The following DPYD variants were observed in gnomAD, a reference collection of about 807,000 sequenced individuals.
The protein encoded by DPYD is dihydropyrimidine dehydrogenase [NADP(+)].
DPYD carries 109 observed loss-of-function variants against 116.2 expected under a neutral mutation model. The observed-to-expected ratio is 0.94, with a 90% CI of 0.80 to 1.10. The LOEUF is 1.10. DPYD is among the 50% of genes least tolerant of loss of function. The pLI, the probability that DPYD is intolerant of heterozygous loss-of-function variation, is 0.00. For missense variants in DPYD, 1,302 were observed against 1,254.5 expected (o/e 1.04, Z -0.57); for synonymous variants, 440 against 432.0 (o/e 1.02, Z -0.23).
chr1:97,907,222 A>G (rs1426649967), intron 1 of DPYD, among the ~76,000 whole-genome samples: 1 of 152,116 alleles, frequency 6.6e-6, no homozygotes, highest in Non-Finnish European at 1.5e-5. Flanking sequence ...CTAAAACTAC[A>G]AAAAGCAAAA....
At chr1:97,215,227 A>C (rs1238767343) in intron 19 of DPYD, among the ~76,000 whole-genome samples, 1 of 152,218 alleles carries the variant, frequency 6.6e-6, no homozygotes, top group African/African-American at 2.4e-5. Context: ...AAATGTTCAC[A>C]CGTCTAGTAA....
chr1:97,767,775 T>G (rs75064354), intron 3 of DPYD, among the ~76,000 whole-genome samples: 2 of 148,182 alleles, frequency 1.3e-5, no homozygotes, highest in African/African-American at 2.6e-5. Flanking sequence ...TTTTTTTTTT[T>G]GCAGCAGTTA....
chr1:97,451,322 T>G (rs987013870), intron 13 of DPYD, among the ~76,000 whole-genome samples: 2 of 152,208 alleles, frequency 1.3e-5, no homozygotes, highest in Admixed American at 1.3e-4. Flanking sequence ...AAAAGATTAT[T>G]TATTCCTGAA....
intron 14 of DPYD, among the ~76,000 whole-genome samples, chr1:97,384,225 G>A (rs563943889): frequency 6.8e-6 from 1 of 146,492 alleles, no homozygotes; most frequent in Non-Finnish European, 1.5e-5. Flanking sequence ...TCACTACATA[G>A]AGCTTTTTTA....
At chr1:97,105,647 G>T (rs1399286) in intron 20 of DPYD, among the ~76,000 whole-genome samples, 152,237 of 152,240 alleles carry the variant, frequency 1, 76,117 homozygotes, top group Non-Finnish European at 1. Flanking sequence ...CTGGGGATTT[G>T]GTAGCAATTT....
intron 14 of DPYD, among the ~76,000 whole-genome samples, chr1:97,448,818 C>G (rs1676234824): frequency 6.6e-6 from 1 of 151,958 alleles, no homozygotes; most frequent in Admixed American, 6.6e-5. Context: ...CACGATAGTT[C>G]CCTTCACATC....
chr1:97,555,909 A>G (rs1651668320), intron 11 of DPYD, among the ~76,000 whole-genome samples: 1 of 152,184 alleles, frequency 6.6e-6, no homozygotes, highest in Admixed American at 6.6e-5. Context: ...GTAGGTACAT[A>G]CATGTACAGT....
chr1:97,220,811 A>G (rs17116566), intron 19 of DPYD, among the ~76,000 whole-genome samples: 5,383 of 152,240 alleles, frequency 0.035, 296 homozygotes, highest in African/African-American at 0.12. Context: ...CCAAGAATAG[A>G]ACCTTACTTT....
intron 15 of DPYD, among the ~76,000 whole-genome samples, chr1:97,377,535 T>C (rs1392741404): frequency 6.6e-6 from 1 of 152,192 alleles, no homozygotes; most frequent in Non-Finnish European, 1.5e-5. Context: ...AAAGGAAAAC[T>C]ATCCTGAGAA....
At position 97,735,191 on chromosome 1, in the gene DPYD, A is replaced by T. The variant is rs573450096; in HGVS notation, c.321+5201T>A. ...GAAACATGCATGCTTCACAGTTCTC[A>T]GAGAATTTCCTCCAATAAGGCATCA... On this transcript the variant is annotated intron_variant, in intron 4 of 22. Transcript: ENST00000370192. Among the ~76,000 whole-genome samples, 3 of 152,260 alleles carry T rather than the reference A, an allele frequency of 2.0e-5. No homozygotes were observed. In the South Asian group the frequency reaches 6.2e-4, roughly 32 times the overall value.
At chr1:97,896,976 T>A (rs530807816) in intron 1 of DPYD, among the ~76,000 whole-genome samples, 64 of 152,110 alleles carry the variant, frequency 4.2e-4, no homozygotes, top group African/African-American at 1.5e-3. Context: ...TATCTACCTA[T>A]GTAGTTACCA....
chr1:97,589,363 T>C (rs1313801248), intron 10 of DPYD, among the ~76,000 whole-genome samples: 1 of 152,214 alleles, frequency 6.6e-6, no homozygotes, highest in African/African-American at 2.4e-5. Context: ...ATGGGGGTGG[T>C]TCCCCCATGC....
intron 20 of DPYD, among the ~76,000 whole-genome samples, chr1:97,146,381 T>C (rs1654635996): frequency 6.6e-6 from 1 of 152,180 alleles, no homozygotes; most frequent in African/African-American, 2.4e-5. Context: ...AAAGCAAGAC[T>C]GTCAGAGACA....
At chr1:97,549,361 C>T (rs893985533) in intron 12 of DPYD, among the ~76,000 whole-genome samples, 199 bp downstream of exon 12, 1 of 152,094 alleles carries the variant, frequency 6.6e-6, no homozygotes, top group African/African-American at 2.4e-5. Flanking sequence ...GGCATGCCCG[C>T]CTGGCCCAAT....
At chr1:97,509,569 C>A (rs1647623222) in intron 13 of DPYD, among the ~76,000 whole-genome samples, 1 of 151,788 alleles carries the variant, frequency 6.6e-6, no homozygotes, top group South Asian at 2.1e-4. Flanking sequence ...TGATAAGGTA[C>A]TAAAAGAGAG....
chr1:97,127,212 G>A (rs1328544794), intron 20 of DPYD, among the ~76,000 whole-genome samples: 1 of 152,178 alleles, frequency 6.6e-6, no homozygotes, highest in Non-Finnish European at 1.5e-5. Flanking sequence ...CAAGCCGTGA[G>A]ATGATGTTTG....
chr1:97,354,220 TA>T (rs1333334108), intron 16 of DPYD, among the ~76,000 whole-genome samples: 1 of 152,164 alleles, frequency 6.6e-6, no homozygotes, highest in African/African-American at 2.4e-5. Flanking sequence ...GTCATAGGCA[TA>T]GAGACAGCTG....
intron 13 of DPYD, among the ~76,000 whole-genome samples, chr1:97,501,257 A>G (rs1419040824): frequency 2.6e-5 from 4 of 152,124 alleles, no homozygotes; most frequent in Non-Finnish European, 1.5e-5. Flanking sequence ...TCTGCTTCAA[A>G]ATGGTTATAG....
chr1:97,169,608 G>A (rs1008186894), intron 20 of DPYD, among the ~76,000 whole-genome samples: 40 of 148,214 alleles, frequency 2.7e-4, no homozygotes, highest in Middle Eastern at 7.0e-3. Context: ...GCAATGGTGC[G>A]ATCTCAGCTC....
Sources: gnomAD v4.1 joint callset for allele counts (sites outside exome capture counted in the v4.1 genomes callset) on GRCh38, gnomAD v4.1.1 for gene constraint, MANE v1.5 for transcripts, NCBI Gene and HGNC (gene_info 2026-07-23, HGNC 2026-07-21) for gene names.